Variants in SORCS2 observed in about 807,000 individuals in gnomAD.
SORCS2 encodes VPS10 domain-containing receptor SorCS2.
Under a neutral mutation model 141.6 loss-of-function variants are expected in SORCS2, and 100 were observed. That is an observed-to-expected ratio of 0.71 (90% CI 0.60 to 0.83). SORCS2 has a LOEUF of 0.83. SORCS2 is among the 40% of genes least tolerant of loss of function. The probability of loss-of-function intolerance (pLI) is 0.00; values close to 1 mark genes in which losing one functional copy is unlikely to be tolerated. For synonymous variants in SORCS2, 789 were observed against 676.9 expected, an observed-to-expected ratio of 1.17 and a Z score of -2.57; for missense variants, 1,646 against 1,560.2, an observed-to-expected ratio of 1.05 and a Z score of -0.93.
intron 1 of SORCS2, among the ~76,000 whole-genome samples, chr4:7,215,649 C>A (rs984833890): frequency 6.6e-6 from 1 of 152,218 alleles, no homozygotes; most frequent in African/African-American, 2.4e-5. Flanking sequence ...TGTAAATACA[C>A]CAATCGGCAC....
chr4:7,201,013 G>A lies in SORCS2; in HGVS notation c.480+7887G>A, dbSNP rs1226836440. On this transcript the variant is annotated intron_variant, in intron 1 of 26. Coordinates refer to ENST00000507866, the MANE Select transcript of SORCS2 (RefSeq NM_020777.3). This position sits in a 1 kb window ranked among gnomAD's most constrained non-coding sequence, Gnocchi z 4.4. The stretch of plus-strand genomic sequence containing the variant: ...CTGTTAGCTGCTGAGGATTCAGTGA[G>A]GGGCCAAGTCAAACTTGGCCCCTGC... 1.3e-5 allele frequency among the ~76,000 whole-genome samples: 2 copies of A among 152,178 alleles called. No individual in the cohort carries two copies. The highest frequency in any genetic ancestry group is 4.8e-5 in the African/African-American group (2 of 41,432).
intron 2 of SORCS2, among the ~76,000 whole-genome samples, chr4:7,460,675 G>A (rs947627245): frequency 1.3e-5 from 2 of 152,216 alleles, no homozygotes; most frequent in South Asian, 2.1e-4. Flanking sequence ...TTTCTTGTAG[G>A]TGGGAATGTG....
intron 3 of SORCS2, among the ~76,000 whole-genome samples, chr4:7,565,994 GGTGATGATGGTGATAATGA>G (rs1286825939): frequency 5.2e-4 from 1 of 1,926 alleles, no homozygotes; most frequent in East Asian, 0.016. Flanking sequence ...TAATGGTAAT[GGTGATGATGGTGATAATGA>G]TGGTGATGAT....
intron 3 of SORCS2, among the ~76,000 whole-genome samples, chr4:7,608,275 C>A (rs1718184998): frequency 6.6e-6 from 1 of 152,288 alleles, no homozygotes; most frequent in East Asian, 1.9e-4. Flanking sequence ...GGTTCAATTG[C>A]CACTCCTCAG....
chr4:7,382,890 C>T (rs564156482), intron 1 of SORCS2, among the ~76,000 whole-genome samples: 102 of 152,282 alleles, frequency 6.7e-4, no homozygotes, highest in Non-Finnish European at 7.5e-4. Context: ...AACGGACCCA[C>T]ACACATGCTT....
chr4:7,607,918 G>T (rs570825913), intron 3 of SORCS2, among the ~76,000 whole-genome samples: 1 of 152,120 alleles, frequency 6.6e-6, no homozygotes, highest in African/African-American at 2.4e-5. Context: ...CACAGTCCCC[G>T]GCTGGCCGTG....
chr4:7,675,796 C>T (rs1345809164), intron 8 of SORCS2, among the ~76,000 whole-genome samples: 1 of 152,176 alleles, frequency 6.6e-6, no homozygotes, highest in East Asian at 1.9e-4. Flanking sequence ...AGGCCACCCT[C>T]CCATAACCCG....
At chr4:7,486,230 A>AGTGGCCCTGCCCTCCT (rs1730973239) in intron 2 of SORCS2, among the ~76,000 whole-genome samples, 1 of 39,310 alleles carries the variant, frequency 2.5e-5, no homozygotes, top group African/African-American at 1.0e-4. Flanking sequence ...GGGGCCCTCC[A>AGTGGCCCTGCCCTCCT]GTGGCCCTGC....
At chr4:7,657,690 CT>C (rs1254677484) in intron 5 of SORCS2, among the ~76,000 whole-genome samples, 1 of 149,576 alleles carries the variant, frequency 6.7e-6, no homozygotes, top group East Asian at 2.0e-4. Flanking sequence ...GTGACTGAGT[CT>C]GTGATTGAGT....
intron 1 of SORCS2, among the ~76,000 whole-genome samples, chr4:7,315,162 C>G (rs995196205): frequency 2.0e-5 from 3 of 152,160 alleles, no homozygotes; most frequent in Non-Finnish European, 2.9e-5. Context: ...TAGCTCTCCC[C>G]TCCACTGTGG....
chr4:7,242,532 C>CTG (rs35166622), intron 1 of SORCS2, among the ~76,000 whole-genome samples: 2,969 of 152,166 alleles, frequency 0.02, 110 homozygotes, highest in African/African-American at 0.068. Context: ...CTTTAGCTCA[C>CTG]TGCGTCATCC....
rs943428464 is a variant in SORCS2 at position 7,423,814 on chromosome 4, AAAAC to A, written c.548+27472_548+27475del. Among the ~76,000 whole-genome samples, 9 of 152,342 alleles carry A rather than the reference AAAAC, an allele frequency of 5.9e-5. No individual in the cohort carries two copies. The East Asian group carries it at 1.4e-3, about 23-fold the overall frequency. ...AATGTTGAACAACCAGCTCTCCAGGAAAACAAACAAACAAACCCAGCAACACTGA... is the reference window on the plus strand; with the variant it reads ...AATGTTGAACAACCAGCTCTCCAGGAAAACAAACAAACCCAGCAACACTGA... On this transcript the variant is annotated intron_variant, in intron 2 of 26. Transcript: ENST00000507866.
chr4:7,507,515 A>C (rs962221201), intron 2 of SORCS2, among the ~76,000 whole-genome samples: 2 of 152,214 alleles, frequency 1.3e-5, no homozygotes, highest in Non-Finnish European at 2.9e-5. Flanking sequence ...TAAGTGTCTA[A>C]GAATAGAAAA....
intron 23 of SORCS2, among the ~76,000 whole-genome samples, chr4:7,732,138 CA>C (rs909883441): frequency 6.6e-6 from 1 of 152,162 alleles, no homozygotes; most frequent in African/African-American, 2.4e-5. Context: ...GCAAAGGAGC[CA>C]AGTAGACATT....
intron 3 of SORCS2, among the ~76,000 whole-genome samples, chr4:7,621,463 T>TTGTG (rs900217954): frequency 1.2e-4 from 18 of 149,332 alleles, no homozygotes; most frequent in African/African-American, 4.2e-4. Flanking sequence ...GTGTGAGTGT[T>TTGTG]TATGTGTGTG....
intron 25 of SORCS2, among the ~76,000 whole-genome samples, chr4:7,735,893 G>A (rs1712127536): frequency 6.6e-6 from 1 of 152,196 alleles, no homozygotes; most frequent in Admixed American, 6.5e-5. Context: ...GAGGTGGCAG[G>A]GGCGGCCTTC....
At chr4:7,640,048 AGTGTGAGTGT>A (rs1296758765) in intron 4 of SORCS2, among the ~76,000 whole-genome samples, 1 of 126,004 alleles carries the variant, frequency 7.9e-6, no homozygotes, top group Non-Finnish European at 1.7e-5. Context: ...CATGTGTGAG[AGTGTGAGTGT>A]GTGTGTTTAT....
intron 2 of SORCS2, among the ~76,000 whole-genome samples, chr4:7,470,356 T>C (rs13137137): frequency 0.26 from 38,505 of 150,490 alleles, 5,903 homozygotes; most frequent in Middle Eastern, 0.37. Flanking sequence ...CACTTATCGA[T>C]CCATCCATCC....
chr4:7,613,972 T>G (rs28480438), intron 3 of SORCS2, among the ~76,000 whole-genome samples: 5 of 150,370 alleles, frequency 3.3e-5, no homozygotes, highest in Non-Finnish European at 7.4e-5. Context: ...CCACCAGCCA[T>G]CCATCAATCC....
Sources: allele counts gnomAD v4.1 joint callset (sites outside exome capture counted in the v4.1 genomes callset), GRCh38; gene constraint gnomAD v4.1.1; non-coding constraint Gnocchi (gnomAD v3.1); transcripts MANE v1.5; gene names NCBI Gene and HGNC (gene_info 2026-07-23, HGNC 2026-07-21).